The following H1-6 variants were observed in gnomAD, a reference collection of about 807,000 sequenced individuals.
H1-6 encodes H1.6 linker histone, cluster member, also known as histone H1t.
For synonymous variants in H1-6, 225 were observed against 100.1 expected, an observed-to-expected ratio of 2.25 and a Z score of -7.45; for missense variants, 538 against 246.5, an observed-to-expected ratio of 2.18 and a Z score of -7.92.
At position 26,107,806 on chromosome 6, in the gene H1-6, G is replaced by T. The variant is rs776785708; in HGVS notation, c.288C>A (p.Ile96=). ...LSLKSLVNKG[I]LVQTRGTGAS... ...CACCAGTACCCCTGGTTTGCACCAG[G>T]ATTCCCTTGTTCACTAAGCTCTTGA... is the stretch of plus-strand genomic sequence containing the variant. Residue 96 remains isoleucine, a synonymous_variant, in exon 1 of 1, where the codon ATC becomes ATA. Coordinates refer to ENST00000338379, the MANE Select transcript of H1-6 (RefSeq NM_005323.4). The T allele has an allele frequency of 3.7e-6, 6 of 1,614,030 alleles. No homozygotes were observed. In the Admixed American group the frequency reaches 5.0e-5, roughly 13 times the overall value.
Position 26,107,572 on chromosome 6 carries a change from C to T in H1-6, c.522G>A (p.Lys174=), listed in dbSNP as rs771138112. Residue 174 remains lysine (K), a synonymous_variant, in exon 1 of 1, where the codon AAG becomes AAA. Coordinates refer to ENST00000338379, the MANE Select transcript of H1-6 (RefSeq NM_005323.4). ...CTGGGCTCTTCTGCTGTTGCTTACC[C>T]TTGGCTCCTTTAGCCTTTCTCCCGC... ...VRSGRKAKGA[K]GKQQQKSPVK... 7 of 1,614,190 alleles carry T rather than the reference C, an allele frequency of 4.3e-6. No individual in the cohort carries two copies. Among genetic ancestry groups the T allele is most frequent in the African/African-American group, 1.3e-5 (1 of 75,050 alleles).
chr6:26,107,717 T>A lies in H1-6; in HGVS notation c.377A>T (p.Lys126Met). ...IPKSTRSKAK[K>M]SVSAKTKKLV... is the part of the protein sequence containing the mutation. ...CTTCTTGGTCTTGGCAGAAACTGAC[T>A]TTTTAGCCTTGCTTCTGGTAGATTT... The change falls in exon 1 of 1, where the codon AAG becomes ATG. Residue 126 changes from lysine (K) to methionine (M), a missense_variant. Coordinates refer to ENST00000338379, the MANE Select transcript of H1-6 (RefSeq NM_005323.4). The A allele has an allele frequency of 6.2e-7, 1 of 1,614,198 alleles. No homozygotes were observed. Among genetic ancestry groups the A allele is most frequent in the Non-Finnish European group, 8.5e-7 (1 of 1,180,018 alleles).
rs150306409 is a variant in H1-6, at chr6:26,107,966, G to A, written c.128C>T (p.Ser43Phe). Residue 43 changes from serine to phenylalanine, a missense_variant, in exon 1 of 1, where the codon TCT becomes TTT. By Grantham distance (155) the Ser-to-Phe change is radical. Transcript: ENST00000338379. ...ISASRKVPNLSVSKLITEALS... is the reference protein window; with the variant it reads ...ISASRKVPNLFVSKLITEALS... ...GGCCTCGGTGATCAACTTGGACACA[G>A]AGAGGTTCGGCACTTTGCGACTTGC... is the stretch of plus-strand genomic sequence containing the variant. 8 of 1,614,058 alleles carry A rather than the reference G, an allele frequency of 5.0e-6. No individual in the cohort carries two copies. Among genetic ancestry groups the A allele is most frequent in the African/African-American group, 4.0e-5 (3 of 74,918 alleles).
In H1-6 at chr6:26,107,493, T is replaced by C. The variant is rs780701637; in HGVS notation, c.601A>G (p.Arg201Gly). The change falls in exon 1 of 1, where the codon AGA becomes GGA. Residue 201 changes from arginine (R) to glycine (G), a missense_variant. Arg to Gly is a moderately radical substitution (Grantham distance 125). Transcript: ENST00000338379. The stretch of plus-strand genomic sequence containing the variant: ...CTTTACTTCTTAGATGTGGCCTTTC[T>C]AACATTAACTTCATGATGTTGGGTC... Reference protein sequence around the residue: ...KLTQHHEVNVRKATSKK With the variant: ...KLTQHHEVNVGKATSKK The C allele has an allele frequency of 7.5e-6, 12 of 1,604,096 alleles. No homozygotes were observed. The South Asian group carries it at 1.1e-4, about 15-fold the overall frequency.
At position 26,107,553 on chromosome 6, in the gene H1-6, T is replaced by TC; in HGVS notation, c.540dup (p.Ser181GlufsTer17). 1 of 1,614,064 alleles carries TC rather than the reference T, an allele frequency of 6.2e-7. No individual in the cohort carries two copies. The highest frequency in any genetic ancestry group is 8.5e-7 in the Non-Finnish European group (1 of 1,179,966). ...TTCGAAGCCCTTGCCTTCACTGGGC[T>TC]CTTCTGCTGTTGCTTACCCTTGGCT... is the stretch of plus-strand genomic sequence containing the variant. On this transcript the variant is annotated frameshift_variant, in exon 1 of 1. Transcript: ENST00000338379. LOFTEE classifies it low-confidence loss of function (END_TRUNC).
Position 26,108,051 on chromosome 6 carries a change from C to G in H1-6, c.43G>C (p.Ala15Pro), listed in dbSNP as rs370789225. The G allele has an allele frequency of 3.1e-6, 5 of 1,614,084 alleles. No homozygotes were observed. In the East Asian group the frequency reaches 8.9e-5, roughly 29 times the overall value. ...TTGGTTGGAAGTTTCTCCATAGCGG[C>G]TACACCAGCACTGGCAGAAGCTGCA... is the stretch of plus-strand genomic sequence containing the variant. ...VPAASASAGV[A>P]AMEKLPTKKR... is the part of the protein sequence containing the mutation. Residue 15 changes from alanine (A) to proline (P), a missense_variant, in exon 1 of 1, where the codon GCC becomes CCC. Coordinates refer to ENST00000338379, the MANE Select transcript of H1-6 (RefSeq NM_005323.4).
rs1763280947 is a variant in H1-6 at position 26,107,678 on chromosome 6, C to T, written c.416G>A (p.Arg139Lys). ...AGCAGTCTTTGGTGACTTGGAGTCC[C>T]TGGATAAAACCAGCTTCTTGGTCTT... ...SAKTKKLVLS[R>K]DSKSPKTAKT... Residue 139 changes from arginine to lysine, a missense_variant, in exon 1 of 1, where the codon AGG becomes AAG. Arg to Lys is a conservative substitution (Grantham distance 26). Transcript: ENST00000338379. The T allele has an allele frequency of 1.9e-6, 3 of 1,614,156 alleles. No homozygotes were observed. The highest frequency in any genetic ancestry group is 1.1e-5 in the South Asian group (1 of 91,088).
chr6:26,107,793 T>C lies in H1-6; in HGVS notation c.301A>G (p.Arg101Gly), dbSNP rs1055908114. The change falls in exon 1 of 1, where the codon AGG (arginine) becomes GGG (glycine). Residue 101 changes from arginine to glycine, a missense_variant. By Grantham distance (125) the Arg-to-Gly change is moderately radical (BLOSUM62 -2). Transcript: ENST00000338379. ...AAGGAACCGGAAGCACCAGTACCCCTGGTTTGCACCAGGATTCCCTTGTTC... is the reference window on the plus strand; with the variant it reads ...AAGGAACCGGAAGCACCAGTACCCCCGGTTTGCACCAGGATTCCCTTGTTC... ...LVNKGILVQTRGTGASGSFKL... is the reference protein window; with the variant it reads ...LVNKGILVQTGGTGASGSFKL... 1.4e-5 allele frequency: 22 copies of C among 1,614,104 alleles called. No individual in the cohort carries two copies. In the African/African-American group the frequency reaches 1.7e-4, roughly 13 times the overall value.
rs1471058884 is a variant in H1-6 at position 26,107,932 on chromosome 6, C to T, written c.162G>A (p.Val54=). Residue 54 remains valine, a synonymous_variant, in exon 1 of 1, where the codon GTG becomes GTA. Coordinates refer to ENST00000338379, the MANE Select transcript of H1-6 (RefSeq NM_005323.4). The part of the protein sequence containing the change: ...VSKLITEALS[V]SQERVGMSLV... The stretch of plus-strand genomic sequence containing the variant: ...AAGACATACCTACTCGTTCCTGTGA[C>T]ACTGAAAGGGCCTCGGTGATCAACT... 1 of 1,614,202 alleles carries T rather than the reference C, an allele frequency of 6.2e-7. No individual in the cohort carries two copies. Among genetic ancestry groups the T allele is most frequent in the Admixed American group, 1.7e-5 (1 of 60,024 alleles).
At position 26,107,760 on chromosome 6, in the gene H1-6, T is replaced by C. The variant is rs771871326; in HGVS notation, c.334A>G (p.Ser112Gly). ...GTGASGSFKL[S>G]KKVIPKSTRS... Reference sequence around the variant, plus strand: ...GTAGATTTAGGAATCACCTTCTTACTAAGCTTAAAGGAACCGGAAGCACCA... The same window carrying C: ...GTAGATTTAGGAATCACCTTCTTACCAAGCTTAAAGGAACCGGAAGCACCA... The change falls in exon 1 of 1, where the codon AGT (serine) becomes GGT (glycine). Residue 112 changes from serine (S) to glycine (G), a missense_variant. Transcript: ENST00000338379. The C allele has an allele frequency of 6.2e-6, 10 of 1,614,128 alleles. No individual in the cohort carries two copies. In the East Asian group the frequency reaches 2.2e-4, roughly 36 times the overall value.
chr6:26,107,966 G>C lies in H1-6; in HGVS notation c.128C>G (p.Ser43Cys), dbSNP rs150306409. 7.7e-5 allele frequency: 124 copies of C among 1,614,058 alleles called. No individual in the cohort carries two copies. The highest frequency in any genetic ancestry group is 2.9e-5 in the Non-Finnish European group (34 of 1,180,020). Reference sequence around the variant, plus strand: ...GGCCTCGGTGATCAACTTGGACACAGAGAGGTTCGGCACTTTGCGACTTGC... The same window carrying C: ...GGCCTCGGTGATCAACTTGGACACACAGAGGTTCGGCACTTTGCGACTTGC... Reference protein sequence around the residue: ...ISASRKVPNLSVSKLITEALS... With the variant: ...ISASRKVPNLCVSKLITEALS... Residue 43 changes from serine (S) to cysteine (C), a missense_variant, in exon 1 of 1, where the codon TCT becomes TGT. By Grantham distance (112) the Ser-to-Cys change is moderately radical (BLOSUM62 -1). Coordinates refer to ENST00000338379, the MANE Select transcript of H1-6 (RefSeq NM_005323.4).
rs772952284 is a variant in H1-6, at chr6:26,107,761, A to T, written c.333T>A (p.Leu111=). 10 of 1,614,000 alleles carry T rather than the reference A, an allele frequency of 6.2e-6. No homozygotes were observed. The East Asian group carries it at 2.2e-4, about 36-fold the overall frequency. Residue 111 remains leucine, a synonymous_variant, in exon 1 of 1, where the codon CTT becomes CTA. Coordinates refer to ENST00000338379, the MANE Select transcript of H1-6 (RefSeq NM_005323.4). ...TAGATTTAGGAATCACCTTCTTACTAAGCTTAAAGGAACCGGAAGCACCAG... is the reference window on the plus strand; with the variant it reads ...TAGATTTAGGAATCACCTTCTTACTTAGCTTAAAGGAACCGGAAGCACCAG... ...RGTGASGSFK[L]SKKVIPKSTR...
At position 26,107,577 on chromosome 6, in the gene H1-6, C is replaced by T; in HGVS notation, c.517G>A (p.Ala173Thr). ...CTCTTCTGCTGTTGCTTACCCTTGG[C>T]TCCTTTAGCCTTTCTCCCGCTCCTA... ...TVRSGRKAKGAKGKQQQKSPV... is the reference protein window; with the variant it reads ...TVRSGRKAKGTKGKQQQKSPV... Residue 173 changes from alanine to threonine, a missense_variant, in exon 1 of 1, where the codon GCC becomes ACC. Transcript: ENST00000338379. 1 of 1,614,184 alleles carries T rather than the reference C, an allele frequency of 6.2e-7. No individual in the cohort carries two copies. Among genetic ancestry groups the T allele is most frequent in the Non-Finnish European group, 8.5e-7 (1 of 1,180,030 alleles).
chr6:26,107,705 G>A lies in H1-6; in HGVS notation c.389C>T (p.Ala130Val), dbSNP rs1392158066. 4 of 1,613,996 alleles carry A rather than the reference G, an allele frequency of 2.5e-6. No individual in the cohort carries two copies. Among genetic ancestry groups the A allele is most frequent in the East Asian group, 4.5e-5 (2 of 44,894 alleles). ...GGATAAAACCAGCTTCTTGGTCTTG[G>A]CAGAAACTGACTTTTTAGCCTTGCT... Reference protein sequence around the residue: ...TRSKAKKSVSAKTKKLVLSRD... With the variant: ...TRSKAKKSVSVKTKKLVLSRD... The change falls in exon 1 of 1, where the codon GCC (alanine) becomes GTC (valine). Residue 130 changes from alanine (A) to valine (V), a missense_variant. Transcript: ENST00000338379.
In H1-6 at chr6:26,108,114, T is replaced by G. The variant is rs377227802; in HGVS notation, c.-21A>C. On this transcript the variant is annotated 5_prime_UTR_variant, in exon 1 of 1. Transcript: ENST00000338379. The stretch of plus-strand genomic sequence containing the variant: ...GACATAACAACAGAGAAACGCAAGA[T>G]GTAATAACCAGCGAAAAGCATGAAA... 4.0e-5 allele frequency: 64 copies of G among 1,608,242 alleles called. No individual in the cohort carries two copies. Among genetic ancestry groups the G allele is most frequent in the African/African-American group, 6.7e-5 (5 of 74,640 alleles).
chr6:26,107,457 C>A lies in H1-6; in HGVS notation c.*13G>T. On this transcript the variant is annotated 3_prime_UTR_variant, in exon 1 of 1. Transcript: ENST00000338379. ...CTTTGGGTTCTTTCCAAATTGGCCT[C>A]CCGGAAAGCTCTTTACTTCTTAGAT... 1 of 1,570,600 alleles carries A rather than the reference C, an allele frequency of 6.4e-7. No individual in the cohort carries two copies. Among genetic ancestry groups the A allele is most frequent in the East Asian group, 2.2e-5 (1 of 44,640 alleles).
chr6:26,107,910 A>G lies in H1-6; in HGVS notation c.184T>C (p.Ser62Pro). ...LSVSQERVGMSLVALKKALAA... is the reference protein window; with the variant it reads ...LSVSQERVGMPLVALKKALAA... ...AATGCCTTCTTGAGCGCAACCAAAG[A>G]CATACCTACTCGTTCCTGTGACACT... is the stretch of plus-strand genomic sequence containing the variant. The change falls in exon 1 of 1, where the codon TCT becomes CCT. Residue 62 changes from serine to proline, a missense_variant. Coordinates refer to ENST00000338379, the MANE Select transcript of H1-6 (RefSeq NM_005323.4). 1 of 1,614,162 alleles carries G rather than the reference A, an allele frequency of 6.2e-7. No homozygotes were observed. The highest frequency in any genetic ancestry group is 8.5e-7 in the Non-Finnish European group (1 of 1,180,032).
Position 26,107,664 on chromosome 6 carries a change from G to T in H1-6, c.430C>A (p.Pro144Thr), listed in dbSNP as rs768991453. The change falls in exon 1 of 1, where the codon CCA becomes ACA. Residue 144 changes from proline (P) to threonine (T), a missense_variant. Physicochemically the swap from Pro to Thr is conservative, Grantham distance 38. Coordinates refer to ENST00000338379, the MANE Select transcript of H1-6 (RefSeq NM_005323.4). Reference protein sequence around the residue: ...KLVLSRDSKSPKTAKTNKRAK... With the variant: ...KLVLSRDSKSTKTAKTNKRAK... ...CTCTTATTGGTTTTAGCAGTCTTTG[G>T]TGACTTGGAGTCCCTGGATAAAACC... 1 of 1,614,062 alleles carries T rather than the reference G, an allele frequency of 6.2e-7. No homozygotes were observed. The highest frequency in any genetic ancestry group is 1.1e-5 in the South Asian group (1 of 91,086).
Position 26,107,634 on chromosome 6 carries a change from T to A in H1-6, c.460A>T (p.Lys154Ter), listed in dbSNP as rs142483604. Residue 154 changes from lysine (K) to a stop codon, truncating the protein, a stop_gained, in exon 1 of 1, where the codon AAG becomes TAG. Coordinates refer to ENST00000338379, the MANE Select transcript of H1-6 (RefSeq NM_005323.4). LOFTEE classifies it low-confidence loss of function (END_TRUNC). ...PKTAKTNKRA[K>*]KPRATTPKTV... ...TTAGGAGTTGTCGCTCTCGGCTTCT[T>A]GGCTCTCTTATTGGTTTTAGCAGTC... 6.2e-7 allele frequency: 1 copy of A among 1,614,220 alleles called. No homozygotes were observed. Among genetic ancestry groups the A allele is most frequent in the South Asian group, 1.1e-5 (1 of 91,090 alleles).
Sources: gnomAD v4.1 joint callset for allele counts on GRCh38, gnomAD v4.1.1 for gene constraint, MANE v1.5 for transcripts, NCBI Gene and HGNC (gene_info 2026-07-23, HGNC 2026-07-21) for gene names.